Variants in PCDHGB7 observed in about 807,000 individuals in gnomAD.
PCDHGB7 encodes protocadherin gamma subfamily B, 7, also known as protocadherin gamma-B7.
PCDHGB7 carries 37 observed loss-of-function variants against 61.4 expected under a neutral mutation model. The observed-to-expected ratio is 0.60, with a 90% confidence interval of 0.46 to 0.79. The LOEUF (loss-of-function observed/expected upper bound fraction) is 0.79. PCDHGB7 is among the 30% of genes least tolerant of loss of function. PCDHGB7 has a pLI of 0.00. For missense variants in PCDHGB7, 1,166 were observed against 1,202.5 expected (o/e 0.97, Z 0.45); for synonymous variants, 464 against 503.5 (o/e 0.92, Z 1.05).
intron 1 of PCDHGB7, chr5:141,421,143 A>T (rs2096549098): frequency 3.1e-6 from 3 of 964,414 alleles, no homozygotes; most frequent in Non-Finnish European, 4.5e-6. Flanking sequence ...TTTTGGATGT[A>T]GTCGGCCTAG....
Position 141,486,601 on chromosome 5 carries a change from C to A in PCDHGB7, c.2416-8206C>A, listed in dbSNP as rs770685748. On this transcript the variant is annotated intron_variant, in intron 1 of 3. Transcript: ENST00000398594. The surrounding 1 kb of genome is among the most constrained non-coding windows in gnomAD (Gnocchi z 5.0). ...ATCGCCCAGGGGACCTGCTTTGCTCCCTTGCAGCCTCTGACCCAGACTCTG... is the reference window on the plus strand; with the variant it reads ...ATCGCCCAGGGGACCTGCTTTGCTCACTTGCAGCCTCTGACCCAGACTCTG... The A allele has an allele frequency of 1.9e-6, 3 of 1,613,558 alleles. No homozygotes were observed. The highest frequency in any genetic ancestry group is 3.3e-5 in the Admixed American group (2 of 60,026).
intron 1 of PCDHGB7, among the ~76,000 whole-genome samples, chr5:141,449,030 G>C (rs2098623784): frequency 6.6e-6 from 1 of 152,012 alleles, no homozygotes; most frequent in Non-Finnish European, 1.5e-5. Context: ...GCATTCCTTT[G>C]GATTATTAAC....
At chr5:141,458,058 C>T (rs997664641) in intron 1 of PCDHGB7, among the ~76,000 whole-genome samples, 3 of 152,196 alleles carry the variant, frequency 2.0e-5, no homozygotes, top group Non-Finnish European at 4.4e-5. Context: ...TCTTGCTGCA[C>T]TGATGCGAAC....
At position 141,431,578 on chromosome 5, in the gene PCDHGB7, C is replaced by T. The variant is rs756332070; in HGVS notation, c.2415+11304C>T. 6.2e-7 allele frequency: 1 copy of T among 1,614,164 alleles called. No homozygotes were observed. On this transcript the variant is annotated intron_variant, in intron 1 of 3. Coordinates refer to ENST00000398594, the MANE Select transcript of PCDHGB7 (RefSeq NM_018927.4). This position sits in a 1 kb window ranked among gnomAD's most constrained non-coding sequence, Gnocchi z 4.8. ...ACGCTACCGACCCTGACGAAGGAGT[C>T]AATGCGGAAGTGAGGTATTCCTTCC...
Position 141,477,202 on chromosome 5 carries a change from C to G in PCDHGB7, c.2416-17605C>G. 1 of 1,614,182 alleles carries G rather than the reference C, an allele frequency of 6.2e-7. No homozygotes were observed. The highest frequency in any genetic ancestry group is 1.1e-5 in the South Asian group (1 of 91,074). On this transcript the variant is annotated intron_variant, in intron 1 of 3. Transcript: ENST00000398594. This position sits in a 1 kb window ranked among gnomAD's most constrained non-coding sequence, Gnocchi z 4.9. ...TCACCTCCGTGTACAGCCCAGTACC[C>G]GAGGATGCCCCTCTGGGGACTGTCA...
chr5:141,431,420 G>A lies in PCDHGB7; in HGVS notation c.2415+11146G>A, dbSNP rs780266425. ...TACGGCCTCCGACGGGGGCGACCCG[G>A]TGCGCACAGGCACCGCGCGCATCCG... On this transcript the variant is annotated intron_variant, in intron 1 of 3. Coordinates refer to ENST00000398594, the MANE Select transcript of PCDHGB7 (RefSeq NM_018927.4). The surrounding 1 kb of genome is among the most constrained non-coding windows in gnomAD (Gnocchi z 4.8). 5 of 1,613,592 alleles carry A rather than the reference G, an allele frequency of 3.1e-6. No homozygotes were observed. The highest frequency in any genetic ancestry group is 3.4e-6 in the Non-Finnish European group (4 of 1,180,050).
chr5:141,486,175 C>T lies in PCDHGB7; in HGVS notation c.2416-8632C>T. ...GTTCTCCAGCCATGGAGCAACATTG[C>T]AGCCTTCGAGTGGATCTGCTGGACG... On this transcript the variant is annotated intron_variant, in intron 1 of 3. Transcript: ENST00000398594. The surrounding 1 kb of genome is among the most constrained non-coding windows in gnomAD (Gnocchi z 5.0). 1 of 1,614,210 alleles carries T rather than the reference C, an allele frequency of 6.2e-7. No individual in the cohort carries two copies.
At chr5:141,462,039 T>A (rs569871892) in intron 1 of PCDHGB7, among the ~76,000 whole-genome samples, 1 of 152,276 alleles carries the variant, frequency 6.6e-6, no homozygotes, top group Non-Finnish European at 1.5e-5. Flanking sequence ...GTCAGGCGGG[T>A]CTTGAACTCC....
intron 2 of PCDHGB7, among the ~76,000 whole-genome samples, chr5:141,503,010 A>ATT (rs199924715): frequency 4.8e-5 from 7 of 146,772 alleles, no homozygotes; most frequent in East Asian, 2.0e-4. Context: ...TGCCCGGTTA[A>ATT]TTTTTTTTTT....
At chr5:141,492,509 C>T (rs1276866000) in intron 1 of PCDHGB7, among the ~76,000 whole-genome samples, 1 of 152,216 alleles carries the variant, frequency 6.6e-6, no homozygotes, top group African/African-American at 2.4e-5. Context: ...CCGGAGCCTC[C>T]TCTCACCTCT....
Position 141,489,322 on chromosome 5 carries a change from T to C in PCDHGB7, c.2416-5485T>C. The C allele has an allele frequency of 6.2e-7, 1 of 1,601,052 alleles. No individual in the cohort carries two copies. Among genetic ancestry groups the C allele is most frequent in the Non-Finnish European group, 8.5e-7 (1 of 1,172,658 alleles). ...GTCCTTGTGCTGCTGGGGCTGGGTGTCTGGGCAGCTTCGTTACTCAGTGGT... is the reference window on the plus strand; with the variant it reads ...GTCCTTGTGCTGCTGGGGCTGGGTGCCTGGGCAGCTTCGTTACTCAGTGGT... On this transcript the variant is annotated intron_variant, in intron 1 of 3. Coordinates refer to ENST00000398594, the MANE Select transcript of PCDHGB7 (RefSeq NM_018927.4). The surrounding 1 kb of genome is among the most constrained non-coding windows in gnomAD (Gnocchi z 4.5).
chr5:141,488,222 G>A (rs1351438124), intron 1 of PCDHGB7, among the ~76,000 whole-genome samples: 1 of 152,104 alleles, frequency 6.6e-6, no homozygotes, highest in Admixed American at 6.5e-5. Flanking sequence ...TCCCTACTGG[G>A]GATTTGAACT....
At chr5:141,421,513 C>T (rs368199651) in intron 1 of PCDHGB7, 14 of 1,613,960 alleles carry the variant, frequency 8.7e-6, no homozygotes, top group Non-Finnish European at 1.1e-5. Context: ...CCGGGAGGAG[C>T]TCTGTGAGAC....
Position 141,420,114 on chromosome 5 carries a change from A to G in PCDHGB7, c.2255A>G (p.Tyr752Cys). 1 of 1,614,032 alleles carries G rather than the reference A, an allele frequency of 6.2e-7. No individual in the cohort carries two copies. Among genetic ancestry groups the G allele is most frequent in the Non-Finnish European group, 8.5e-7 (1 of 1,179,874 alleles). The stretch of plus-strand genomic sequence containing the variant: ...AGTGAGGGAACGTTGCCCTATGCCT[A>G]TAATTTTTGTGTGCCTGGGGATCAA... ...NYSEGTLPYAYNFCVPGDQMN... is the reference protein window; with the variant it reads ...NYSEGTLPYACNFCVPGDQMN... The change falls in exon 1 of 4, where the codon TAT becomes TGT. Residue 752 changes from tyrosine (Y) to cysteine (C), a missense_variant. Transcript: ENST00000398594.
intron 1 of PCDHGB7, among the ~76,000 whole-genome samples, chr5:141,450,696 A>G (rs943551061): frequency 1.3e-5 from 2 of 152,164 alleles, no homozygotes; most frequent in East Asian, 3.9e-4. Flanking sequence ...CATGTTGCCC[A>G]GGATGGTCTC....
At position 141,490,561 on chromosome 5, in the gene PCDHGB7, A is replaced by C. The variant is rs2099701634; in HGVS notation, c.2416-4246A>C. The stretch of plus-strand genomic sequence containing the variant: ...TTCCCTACACAAACATCTCACCATC[A>C]GGCTCAACATTTCAGATGTCAATGA... On this transcript the variant is annotated intron_variant, in intron 1 of 3. Transcript: ENST00000398594. The surrounding 1 kb of genome is among the most constrained non-coding windows in gnomAD (Gnocchi z 5.4). The C allele has an allele frequency of 1.2e-6, 2 of 1,614,090 alleles. No homozygotes were observed. The highest frequency in any genetic ancestry group is 1.7e-4 in the Middle Eastern group (1 of 6,060).
chr5:141,475,950 C>A, intron 1 of PCDHGB7: 1 of 761,530 alleles, frequency 1.3e-6, no homozygotes, highest in African/African-American at 1.7e-5. Flanking sequence ...CCCCTTTCTG[C>A]GCCCCGGGAT....
At chr5:141,461,974 C>T (rs2099027742) in intron 1 of PCDHGB7, among the ~76,000 whole-genome samples, 1 of 152,202 alleles carries the variant, frequency 6.6e-6, no homozygotes, top group Non-Finnish European at 1.5e-5. Context: ...CAGGCATATG[C>T]CACCACGCCA....
intron 1 of PCDHGB7, among the ~76,000 whole-genome samples, chr5:141,444,058 C>A (rs2154560450): frequency 6.8e-6 from 1 of 147,774 alleles, no homozygotes; most frequent in East Asian, 2.0e-4. Context: ...CATCTTCAAT[C>A]TAGATTCTGA....
Sources: gnomAD v4.1 joint callset for allele counts (sites outside exome capture counted in the v4.1 genomes callset) on GRCh38, gnomAD v4.1.1 for gene constraint, Gnocchi (gnomAD v3.1) non-coding constraint, MANE v1.5 for transcripts, NCBI Gene and HGNC (gene_info 2026-07-23, HGNC 2026-07-21) for gene names.